The following NRG2 variants were observed in gnomAD, a reference collection of about 807,000 sequenced individuals.
NRG2 encodes the protein pro-neuregulin-2, membrane-bound isoform.
NRG2 carries 27 observed loss-of-function variants against 73.9 expected under a neutral mutation model. The observed-to-expected ratio is 0.37, with a 90% CI of 0.27 to 0.50. NRG2 has a LOEUF of 0.50. NRG2 is among the 20% of genes least tolerant of loss of function. The pLI is 0.96. For missense variants in NRG2, 1,126 were observed against 1,210.1 expected, an observed-to-expected ratio of 0.93 and a Z score of 1.03; for synonymous variants, 532 against 541.0, an observed-to-expected ratio of 0.98 and a Z score of 0.23.
At chr5:139,891,891 T>A (rs1482559610) in intron 1 of NRG2, among the ~76,000 whole-genome samples, 1 of 152,240 alleles carries the variant, frequency 6.6e-6, no homozygotes, top group African/African-American at 2.4e-5. Flanking sequence ...TGCATTATAT[T>A]TCTATTGGAC....
chr5:139,891,294 G>C (rs552590802), intron 1 of NRG2, among the ~76,000 whole-genome samples: 2 of 152,322 alleles, frequency 1.3e-5, no homozygotes, highest in African/African-American at 4.8e-5. Flanking sequence ...CCCAGAAACA[G>C]TAGGCATGGC....
intron 5 of NRG2, among the ~76,000 whole-genome samples, chr5:139,864,283 A>G (rs1254073996): frequency 1.3e-5 from 2 of 152,106 alleles, no homozygotes; most frequent in Non-Finnish European, 2.9e-5. Context: ...GTGGTGCTGG[A>G]AGGAACTGCT....
intron 1 of NRG2, among the ~76,000 whole-genome samples, chr5:139,929,422 T>C (rs1003835579): frequency 4.6e-5 from 7 of 152,230 alleles, no homozygotes; most frequent in Non-Finnish European, 8.8e-5. Flanking sequence ...CTTTGATGTA[T>C]GGGACGTTTT....
chr5:139,898,117 G>A (rs528579684), intron 1 of NRG2, among the ~76,000 whole-genome samples: 23 of 152,384 alleles, frequency 1.5e-4, no homozygotes, highest in African/African-American at 5.5e-4. Flanking sequence ...GATTCTGGCT[G>A]AGCAATGTGC....
At chr5:139,876,245 A>G (rs1763168900) in intron 3 of NRG2, among the ~76,000 whole-genome samples, 2 of 152,184 alleles carry the variant, frequency 1.3e-5, no homozygotes, top group Admixed American at 1.3e-4. Flanking sequence ...TATGTTAAGT[A>G]TAAGAAGACA....
At chr5:139,939,944 A>G (rs1456719207) in intron 1 of NRG2, among the ~76,000 whole-genome samples, 1 of 152,216 alleles carries the variant, frequency 6.6e-6, no homozygotes, top group Admixed American at 6.5e-5. Context: ...ACCCACTAGA[A>G]TGGCCAACAT....
chr5:139,953,011 CA>C (rs1372410278), intron 1 of NRG2, among the ~76,000 whole-genome samples: 1 of 152,130 alleles, frequency 6.6e-6, no homozygotes, highest in Non-Finnish European at 1.5e-5. Flanking sequence ...TGTGCACTAT[CA>C]ACAACATTGC....
At chr5:139,966,534 G>C (rs1236803025) in intron 1 of NRG2, among the ~76,000 whole-genome samples, 1 of 152,188 alleles carries the variant, frequency 6.6e-6, no homozygotes, top group East Asian at 1.9e-4. Context: ...GACATTCTAA[G>C]ATGAGCTCTT....
intron 1 of NRG2, among the ~76,000 whole-genome samples, chr5:139,990,085 G>A (rs1757498153): frequency 6.6e-6 from 1 of 151,736 alleles, no homozygotes; most frequent in African/African-American, 2.4e-5. Flanking sequence ...ACTGTGCCTG[G>A]CCTTATTATT....
chr5:140,004,990 G>C (rs967903894), intron 1 of NRG2, among the ~76,000 whole-genome samples: 3 of 152,128 alleles, frequency 2.0e-5, no homozygotes, highest in African/African-American at 7.2e-5. Context: ...GAAAGATTAA[G>C]TCTTTAAATC....
At position 139,907,895 on chromosome 5, in the gene NRG2, A is replaced by C. The variant is rs894619310; in HGVS notation, c.701-20384T>G. On this transcript the variant is annotated intron_variant, in intron 1 of 9. Coordinates refer to ENST00000361474, the MANE Select transcript of NRG2 (RefSeq NM_004883.3). ...TTAGGAAACTATGGGAGCTGCAAAT[A>C]CACACGGAAAACACTTACGGGACAC... is the stretch of plus-strand genomic sequence containing the variant. Among the ~76,000 whole-genome samples the C allele has an allele frequency of 7.9e-5, 12 of 152,382 alleles. No homozygotes were observed. In the East Asian group the frequency reaches 2.3e-3, roughly 29 times the overall value.
intron 1 of NRG2, among the ~76,000 whole-genome samples, chr5:139,906,873 C>T (rs1285937362): frequency 1.3e-5 from 2 of 152,146 alleles, no homozygotes. Flanking sequence ...AGGAGTTGGC[C>T]ATATTAAGAG....
chr5:140,041,657 A>G (rs964413257), intron 1 of NRG2, among the ~76,000 whole-genome samples: 1 of 145,670 alleles, frequency 6.9e-6, no homozygotes, highest in African/African-American at 2.6e-5. Context: ...TAATTCCCCC[A>G]GAAACAGCTA....
intron 1 of NRG2, among the ~76,000 whole-genome samples, chr5:139,961,699 A>G (rs1005575744): frequency 1.3e-5 from 2 of 152,166 alleles, no homozygotes; most frequent in African/African-American, 4.8e-5. Context: ...CTCAGTCTCT[A>G]GATTGTGGTT....
In NRG2 at chr5:139,851,849, G is replaced by C. The variant is rs768655453; in HGVS notation, c.1545-18C>G. 67 of 1,611,496 alleles carry C rather than the reference G, an allele frequency of 4.2e-5. No individual in the cohort carries two copies. Among genetic ancestry groups the C allele is most frequent in the Non-Finnish European group, 5.6e-5 (66 of 1,178,260 alleles). ...TCTCGTGTCTGGGAAGGCCAGATGG[G>C]GTGAGACGAGGGGTCAGGAAGGGGC... On this transcript the variant is annotated intron_variant, in intron 8 of 9. Transcript: ENST00000361474. The surrounding 1 kb of genome is among the most constrained non-coding windows in gnomAD (Gnocchi z 4.2).
At position 139,887,379 on chromosome 5, in the gene NRG2, T is replaced by G. The variant is rs751946471; in HGVS notation, c.833A>C (p.Asn278Thr). Residue 278 changes from asparagine to threonine, a missense_variant, in exon 2 of 10, where the codon AAC becomes ACC. Asn to Thr is a moderately conservative substitution (Grantham distance 65). Transcript: ENST00000361474. This position sits in a 1 kb window ranked among gnomAD's most constrained non-coding sequence, Gnocchi z 4.5. ...TTTGATGCGAATGTCTCGGCTGCGGTTGAGCTCCTTGCCATCCTTGAACCA... is the reference window on the plus strand; with the variant it reads ...TTTGATGCGAATGTCTCGGCTGCGGGTGAGCTCCTTGCCATCCTTGAACCA... ...YRWFKDGKELNRSRDIRIKYG... is the reference protein window; with the variant it reads ...YRWFKDGKELTRSRDIRIKYG... 2 of 1,614,094 alleles carry G rather than the reference T, an allele frequency of 1.2e-6. No homozygotes were observed. Among genetic ancestry groups the G allele is most frequent in the Non-Finnish European group, 1.7e-6 (2 of 1,180,044 alleles).
chr5:139,883,302 C>T (rs1384116381), intron 2 of NRG2, among the ~76,000 whole-genome samples: 1 of 149,836 alleles, frequency 6.7e-6, no homozygotes, highest in Non-Finnish European at 1.5e-5. Context: ...GTGTCCTCCA[C>T]ATTTTCCTCA....
At chr5:140,037,907 C>CAAAAAAAA (rs748112690) in intron 1 of NRG2, among the ~76,000 whole-genome samples, 58 of 58,892 alleles carry the variant, frequency 9.8e-4, no homozygotes, top group Admixed American at 2.3e-3. Context: ...GACTCCATCT[C>CAAAAAAAA]AAAAAAAAAA....
intron 5 of NRG2, among the ~76,000 whole-genome samples, chr5:139,862,986 G>A (rs732489): frequency 0.033 from 4,968 of 152,304 alleles, 276 homozygotes; most frequent in African/African-American, 0.11. Flanking sequence ...TGCTCAGGAT[G>A]TGCTGGGAGT....
Sources: gnomAD v4.1 joint callset for allele counts (sites outside exome capture counted in the v4.1 genomes callset) on GRCh38, gnomAD v4.1.1 for gene constraint, Gnocchi (gnomAD v3.1) non-coding constraint, MANE v1.5 for transcripts, NCBI Gene and HGNC (gene_info 2026-07-23, HGNC 2026-07-21) for gene names.